BAZ2B: variants seen among roughly 807,000 people sequenced by gnomAD.
The protein encoded by BAZ2B is bromodomain adjacent to zinc finger domain 2B.
BAZ2B carries 91 observed loss-of-function variants against 246.0 expected under a neutral mutation model. That is an observed-to-expected ratio of 0.37 (90% CI 0.31 to 0.44). The LOEUF (loss-of-function observed/expected upper bound fraction) is 0.44. BAZ2B is among the 20% of genes least tolerant of loss of function. BAZ2B has a pLI of 1.00. For missense variants in BAZ2B, 2,332 were observed against 2,533.7 expected, an observed-to-expected ratio of 0.92 and a Z score of 1.71; for synonymous variants, 855 against 860.0, an observed-to-expected ratio of 0.99 and a Z score of 0.10.
At chr2:159,539,987 A>C (rs917469523) in intron 2 of BAZ2B, among the ~76,000 whole-genome samples, 2 of 152,094 alleles carry the variant, frequency 1.3e-5, no homozygotes, top group Non-Finnish European at 2.9e-5. Context: ...ATTCTACCTG[A>C]CTACCTGTAT....
In BAZ2B at chr2:159,404,843, A is replaced by G; in HGVS notation, c.2832+6T>C. ...TTTAAAAGTCACTTCCAATGTATACACATACCTGCTGTTTCATAATCTTTA... is the reference window on the plus strand; with the variant it reads ...TTTAAAAGTCACTTCCAATGTATACGCATACCTGCTGTTTCATAATCTTTA... On this transcript the variant is annotated splice_donor_region_variant and intron_variant, in intron 16 of 36. Coordinates refer to ENST00000392783, the MANE Select transcript of BAZ2B (RefSeq NM_013450.4). 6.2e-7 allele frequency: 1 copy of G among 1,610,544 alleles called. No homozygotes were observed. Among genetic ancestry groups the G allele is most frequent in the Non-Finnish European group, 8.5e-7 (1 of 1,178,362 alleles).
At chr2:159,460,191 T>G (rs572148788) in intron 3 of BAZ2B, 29 of 152,166 alleles carry the variant, frequency 1.9e-4, no homozygotes, top group Non-Finnish European at 4.1e-4. Flanking sequence ...CTGGTGTGTG[T>G]CAGTAACAAG....
At chr2:159,678,283 G>A in the BAZ2B span, among the ~76,000 whole-genome samples, 2 of 152,134 alleles carry the variant, frequency 1.3e-5, no homozygotes, top group African/African-American at 4.8e-5. Context: ...TAAGTTATTT[G>A]ATCAAGTTCC....
intron 27 of BAZ2B, among the ~76,000 whole-genome samples, chr2:159,368,052 ATGT>A (rs967634766): frequency 1.3e-5 from 2 of 152,140 alleles, no homozygotes; most frequent in Non-Finnish European, 2.9e-5. Flanking sequence ...ATACACTTGT[ATGT>A]TCTCTTTGTC....
At chr2:159,457,287 T>C (rs7606950) in intron 3 of BAZ2B, among the ~76,000 whole-genome samples, 11,101 of 152,298 alleles carry the variant, frequency 0.073, 537 homozygotes, top group Middle Eastern at 0.16. Flanking sequence ...CCATAATGTA[T>C]AAAACAAGTT....
chr2:159,691,476 G>T, the BAZ2B span, among the ~76,000 whole-genome samples: 1 of 152,148 alleles, frequency 6.6e-6, no homozygotes, highest in Non-Finnish European at 1.5e-5. Flanking sequence ...AATCATGAGA[G>T]AAAATACATT....
In BAZ2B at chr2:159,320,248, A is replaced by C. The variant is rs2062549531; in HGVS notation, c.*17T>G. The C allele has an allele frequency of 6.6e-7, 1 of 1,515,680 alleles. No homozygotes were observed. The highest frequency in any genetic ancestry group is 2.7e-5 in the Admixed American group (1 of 37,570). 93.9% of individuals were successfully genotyped at this position (1,515,680 alleles called of 1,614,324 possible). A position where few individuals can be genotyped will look rare whatever the true frequency, so the allele number is the denominator to read the frequency against. On this transcript the variant is annotated 3_prime_UTR_variant, in exon 37 of 37. Coordinates refer to ENST00000392783, the MANE Select transcript of BAZ2B (RefSeq NM_013450.4). ...GTCCTTGTTTAGAAGGAAAAAAATA[A>C]AGAGATTATTATAACTTCAGCTCAC...
intron 2 of BAZ2B, among the ~76,000 whole-genome samples, chr2:159,518,668 A>T (rs2083706044): frequency 6.6e-6 from 1 of 152,248 alleles, no homozygotes. Context: ...GACTTACAAA[A>T]CTATGAGTAG....
intron 1 of BAZ2B, among the ~76,000 whole-genome samples, chr2:159,578,506 G>C (rs938104696): frequency 2.0e-4 from 30 of 152,046 alleles, no homozygotes; most frequent in African/African-American, 7.3e-4. Context: ...GCTTACATTA[G>C]ACAGATCAAC....
At chr2:159,679,556 T>C in the BAZ2B span, among the ~76,000 whole-genome samples, 1 of 152,180 alleles carries the variant, frequency 6.6e-6, no homozygotes, top group Non-Finnish European at 1.5e-5. Flanking sequence ...ATGTAGGTGA[T>C]TTAACATTAT....
chr2:159,673,007 CA>C, the BAZ2B span, among the ~76,000 whole-genome samples: 2 of 151,966 alleles, frequency 1.3e-5, no homozygotes, highest in Non-Finnish European at 2.9e-5. Context: ...AAAATATTGA[CA>C]AATCTGTTAC....
chr2:159,561,747 A>G (rs1335198798), intron 1 of BAZ2B, among the ~76,000 whole-genome samples: 1 of 152,208 alleles, frequency 6.6e-6, no homozygotes, highest in Non-Finnish European at 1.5e-5. Flanking sequence ...TCCATTTTTT[A>G]TAACTGGAAA....
At chr2:159,391,902 T>C (rs1489223803) in intron 20 of BAZ2B, among the ~76,000 whole-genome samples, 2 of 152,214 alleles carry the variant, frequency 1.3e-5, no homozygotes, top group African/African-American at 4.8e-5. Context: ...GTGGAGTCTC[T>C]CAATTCAGCA....
At chr2:159,348,470 G>A (rs913722486) in intron 30 of BAZ2B, among the ~76,000 whole-genome samples, 1 of 151,914 alleles carries the variant, frequency 6.6e-6, no homozygotes, top group East Asian at 1.9e-4. Flanking sequence ...ATATTATTTA[G>A]GGAAGAATGA....
Position 159,453,615 on chromosome 2 carries a change from G to A in BAZ2B, c.332C>T (p.Pro111Leu). Residue 111 changes from proline (P) to leucine (L), a missense_variant and splice_region_variant, in exon 4 of 37, where the codon CCA becomes CTA. Transcript: ENST00000392783. Reference sequence around the variant, plus strand: ...CACTGTTTGTAACAGATGTTTACCTGGAAAAGATGCTAGTTGGGGATGTGC... The same window carrying A: ...CACTGTTTGTAACAGATGTTTACCTAGAAAAGATGCTAGTTGGGGATGTGC... ...LAAHPQLASF[P>L]GAEWWRTTDA... 1 of 1,599,756 alleles carries A rather than the reference G, an allele frequency of 6.3e-7. No homozygotes were observed. The highest frequency in any genetic ancestry group is 8.5e-7 in the Non-Finnish European group (1 of 1,172,920).
At chr2:159,354,149 T>C (rs1311880765) in intron 27 of BAZ2B, among the ~76,000 whole-genome samples, 2 of 152,270 alleles carry the variant, frequency 1.3e-5, no homozygotes, top group African/African-American at 2.4e-5. Context: ...AATATTTGTA[T>C]TCTGAGAACT....
intron 20 of BAZ2B, among the ~76,000 whole-genome samples, chr2:159,393,391 C>T (rs565644684): frequency 6.6e-6 from 1 of 152,262 alleles, no homozygotes; most frequent in African/African-American, 2.4e-5. Context: ...TAAGTCATTA[C>T]TTTATGTACA....
At chr2:159,590,252 A>G in intron 1 of BAZ2B, among the ~76,000 whole-genome samples, 1 of 114,980 alleles carries the variant, frequency 8.7e-6, no homozygotes, top group Non-Finnish European at 1.8e-5. Flanking sequence ...AGAACTGGCT[A>G]TTGTTAATCT....
chr2:159,711,685 T>C, the BAZ2B span, among the ~76,000 whole-genome samples: 1 of 152,230 alleles, frequency 6.6e-6, no homozygotes, highest in East Asian at 1.9e-4. Flanking sequence ...TAGTTAGATG[T>C]AGCTTTTCCC....
Sources: gnomAD v4.1 joint callset for allele counts (sites outside exome capture counted in the v4.1 genomes callset) on GRCh38, gnomAD v4.1.1 for gene constraint, MANE v1.5 for transcripts, NCBI Gene and HGNC (gene_info 2026-07-23, HGNC 2026-07-21) for gene names.